Variants in PRRC2B observed in about 807,000 individuals in gnomAD.
The protein encoded by PRRC2B is proline rich coiled-coil 2B.
Under a neutral mutation model 242.3 loss-of-function variants are expected in PRRC2B, and 68 were observed. The ratio of observed to expected loss-of-function variants is 0.28; its 90% confidence interval spans 0.23 to 0.34. The LOEUF (loss-of-function observed/expected upper bound fraction) is 0.34, where lower values mean the gene tolerates loss of function less well. Among genes scored for constraint, PRRC2B ranks in the 10% least tolerant of loss-of-function variants. The probability of loss-of-function intolerance (pLI) is 1.00; values close to 1 mark genes in which losing one functional copy is unlikely to be tolerated. For missense variants in PRRC2B, 2,835 were observed against 2,954.8 expected (o/e 0.96, Z 0.94); for synonymous variants, 1,228 against 1,173.6 (o/e 1.05, Z -0.95).
chr9:131,424,222 G>A (rs983688456), intron 1 of PRRC2B, among the ~76,000 whole-genome samples: 3 of 152,158 alleles, frequency 2.0e-5, no homozygotes, highest in East Asian at 3.9e-4. Flanking sequence ...GATTACAAGC[G>A]TGAGCCCCGG....
rs941341952 is a variant in PRRC2B, at chr9:131,497,019, C to G, written c.*1145C>G. On this transcript the variant is annotated 3_prime_UTR_variant, in exon 32 of 32. Transcript: ENST00000683519. ...TCTGGACCTGTCTCCACCTCCCACA[C>G]AGCTCATCGTGAACACCACTTGGTG... The G allele has an allele frequency of 6.6e-6, 1 of 152,374 alleles. No individual in the cohort carries two copies. The highest frequency in any genetic ancestry group is 1.5e-5 in the Non-Finnish European group (1 of 68,128). 9.4% of individuals were successfully genotyped at this position (152,374 alleles called of 1,614,324 possible).
intron 12 of PRRC2B, among the ~76,000 whole-genome samples, chr9:131,467,286 C>T (rs1487599778): frequency 6.6e-6 from 1 of 152,220 alleles, no homozygotes; most frequent in Non-Finnish European, 1.5e-5. Flanking sequence ...CATCTCAGCT[C>T]TGCCACTGAC....
chr9:131,493,192 A>C (rs1944244163), intron 30 of PRRC2B, among the ~76,000 whole-genome samples: 1 of 151,054 alleles, frequency 6.6e-6, no homozygotes, highest in East Asian at 1.9e-4. Context: ...ACAGCATTCC[A>C]CTCTTGTACC....
At chr9:131,476,743 C>T (rs1385773391) in intron 16 of PRRC2B, among the ~76,000 whole-genome samples, 1 of 151,020 alleles carries the variant, frequency 6.6e-6, no homozygotes, top group African/African-American at 2.4e-5. Flanking sequence ...CCCCCACCCC[C>T]ACCCCAGTGG....
chr9:131,417,304 T>C (rs1837685312), intron 1 of PRRC2B, among the ~76,000 whole-genome samples: 1 of 152,132 alleles, frequency 6.6e-6, no homozygotes, highest in Non-Finnish European at 1.5e-5. Flanking sequence ...GGTTCTCTCT[T>C]CACTTTTTTG....
At chr9:131,460,031 A>G (rs1040403285) in intron 11 of PRRC2B, among the ~76,000 whole-genome samples, 6 of 151,388 alleles carry the variant, frequency 4.0e-5, no homozygotes, top group Admixed American at 2.6e-4. Context: ...AGTGATAGAA[A>G]AGTTGGAAGT....
intron 1 of PRRC2B, among the ~76,000 whole-genome samples, chr9:131,425,564 C>T (rs185634325): frequency 1.7e-3 from 264 of 152,096 alleles, no homozygotes; most frequent in African/African-American, 6.1e-3. Context: ...TCTCAGCTCA[C>T]TGCAAGCTCC....
At chr9:131,396,351 A>G (rs151314288) in intron 1 of PRRC2B, among the ~76,000 whole-genome samples, 2,289 of 119,240 alleles carry the variant, frequency 0.019, 73 homozygotes, top group African/African-American at 0.072. Flanking sequence ...TTTTTGAGAC[A>G]GTCTCACTCT....
At position 131,487,202 on chromosome 9, in the gene PRRC2B, C is replaced by T. The variant is rs779147458; in HGVS notation, c.5892C>T (p.His1964=). 8 of 1,613,720 alleles carry T rather than the reference C, an allele frequency of 5.0e-6. No individual in the cohort carries two copies. The African/African-American group carries it at 6.7e-5, about 13-fold the overall frequency. The change falls in exon 27 of 32, where the codon CAC becomes CAT. Residue 1964 remains histidine, a synonymous_variant. Transcript: ENST00000683519. The surrounding 1 kb of genome is among the most constrained non-coding windows in gnomAD (Gnocchi z 5.3). ...AAAQQIPISL[H]TSLQAQAQLG... ...CCCAGCAGATCCCGATCTCCCTTCA[C>T]ACATCTCTGCAGGCACAAGCTCAGC...
intron 1 of PRRC2B, among the ~76,000 whole-genome samples, chr9:131,377,021 A>T (rs1023086089): frequency 2.0e-5 from 3 of 152,164 alleles, no homozygotes; most frequent in Non-Finnish European, 2.9e-5. Flanking sequence ...AAAAATAAAT[A>T]AAAAAAGTTT....
intron 1 of PRRC2B, among the ~76,000 whole-genome samples, chr9:131,425,664 T>C (rs1837957169): frequency 6.6e-6 from 1 of 151,314 alleles, no homozygotes; most frequent in African/African-American, 2.4e-5. Context: ...ATTTTTTTTG[T>C]ATTATTAGTA....
At chr9:131,391,614 G>A (rs1836900251), upstream of PRRC2B, among the ~76,000 whole-genome samples, 1 of 152,190 alleles carries the variant, frequency 6.6e-6, no homozygotes, top group Non-Finnish European at 1.5e-5. Flanking sequence ...TCTGTTGGAT[G>A]GGCACACTAG....
At chr9:131,424,003 T>TG in intron 1 of PRRC2B, among the ~76,000 whole-genome samples, 1 of 152,076 alleles carries the variant, frequency 6.6e-6, no homozygotes, top group East Asian at 1.9e-4. Flanking sequence ...TGGCCCAATC[T>TG]CCGTTCACTG....
At chr9:131,416,691 C>T (rs1281282632) in intron 1 of PRRC2B, among the ~76,000 whole-genome samples, 1 of 151,398 alleles carries the variant, frequency 6.6e-6, no homozygotes, top group Admixed American at 6.6e-5. Context: ...TAGGTTGTGA[C>T]AATTAAGTTT....
chr9:131,396,654 C>T (rs1486163305), intron 1 of PRRC2B, among the ~76,000 whole-genome samples: 2 of 152,140 alleles, frequency 1.3e-5, no homozygotes, highest in African/African-American at 2.4e-5. Context: ...ATTTTTTCCT[C>T]TTCTCTTGGT....
intron 1 of PRRC2B, among the ~76,000 whole-genome samples, chr9:131,388,018 C>A (rs377512133): frequency 6.7e-6 from 1 of 149,874 alleles, no homozygotes; most frequent in African/African-American, 2.4e-5. Context: ...TGGCAAAACC[C>A]CATCTCTACC....
intron 1 of PRRC2B, among the ~76,000 whole-genome samples, chr9:131,420,493 C>CTTTCTTTTTT: frequency 3.3e-5 from 1 of 30,164 alleles, no homozygotes; most frequent in Non-Finnish European, 6.4e-5. Context: ...TTCTTTCTTT[C>CTTTCTTTTTT]TTTTTTTTTT....
intron 1 of PRRC2B, among the ~76,000 whole-genome samples, chr9:131,420,621 C>T (rs546265485): frequency 6.7e-6 from 1 of 149,900 alleles, no homozygotes; most frequent in East Asian, 2.0e-4. Context: ...TCCTGAGTAG[C>T]TGGGATTACA....
rs768219581 is a variant in PRRC2B, at chr9:131,482,831, C to T, written c.5297C>T (p.Pro1766Leu). 3.1e-5 allele frequency: 50 copies of T among 1,608,340 alleles called. No homozygotes were observed. Among genetic ancestry groups the T allele is most frequent in the Admixed American group, 5.1e-5 (3 of 59,124 alleles). The part of the protein sequence containing the change: ...GAERLQGAVV[P>L]PVNGVEIHVD... ...GAGCGGCTGCAAGGGGCTGTCGTCC[C>T]GCCTGTTAACGGGGTGGAGATTCAC... The change falls in exon 22 of 32, where the codon CCG becomes CTG. Residue 1766 changes from proline (P) to leucine (L), a missense_variant. Physicochemically the swap from Pro to Leu is moderately conservative, Grantham distance 98. Coordinates refer to ENST00000683519, the MANE Select transcript of PRRC2B (RefSeq NM_013318.4). The surrounding 1 kb of genome is among the most constrained non-coding windows in gnomAD (Gnocchi z 5.2).
Sources: allele counts gnomAD v4.1 joint callset (sites outside exome capture counted in the v4.1 genomes callset), GRCh38; gene constraint gnomAD v4.1.1; non-coding constraint Gnocchi (gnomAD v3.1); transcripts MANE v1.5; gene names NCBI Gene and HGNC (gene_info 2026-07-23, HGNC 2026-07-21).